TIAM1: variants seen among roughly 807,000 people sequenced by gnomAD.
TIAM1 encodes the protein TIAM Rac1 associated GEF 1.
TIAM1 carries 65 observed loss-of-function variants against 163.5 expected under a neutral mutation model. That is an observed-to-expected ratio of 0.40 (90% CI 0.33 to 0.49). TIAM1 has a LOEUF of 0.49. TIAM1 is among the 20% of genes least tolerant of loss of function. The pLI, the probability that TIAM1 is intolerant of heterozygous loss-of-function variation, is 0.77. For synonymous variants in TIAM1, 833 were observed against 810.1 expected, an observed-to-expected ratio of 1.03 and a Z score of -0.48; for missense variants, 1,789 against 2,044.7, an observed-to-expected ratio of 0.87 and a Z score of 2.41.
rs544190006 is a variant in TIAM1 at position 31,204,827 on chromosome 21, T to C, written c.2389-1815A>G. ...TGGAAATGAGTTCACTCTGAACACA[T>C]AGCAGAAGGATAAAGTTTTCTATCA... On this transcript the variant is annotated intron_variant, in intron 11 of 27. Transcript: ENST00000541036. Among the ~76,000 whole-genome samples the C allele has an allele frequency of 7.9e-5, 12 of 152,332 alleles. No individual in the cohort carries two copies. The South Asian group carries it at 1.2e-3, about 16-fold the overall frequency.
intron 10 of TIAM1, among the ~76,000 whole-genome samples, chr21:31,210,618 A>G (rs1381020552): frequency 5.1e-4 from 6 of 11,724 alleles, no homozygotes; most frequent in African/African-American, 2.2e-3. Context: ...AGGAAGGGAG[A>G]AAGAAAGAAA....
At chr21:31,485,260 A>G (rs904593391) in intron 1 of TIAM1, among the ~76,000 whole-genome samples, 1 of 152,138 alleles carries the variant, frequency 6.6e-6, no homozygotes, top group African/African-American at 2.4e-5. Flanking sequence ...CCTCGCACAC[A>G]TTCCAACTGG....
upstream of TIAM1, among the ~76,000 whole-genome samples, chr21:31,346,516 G>A (rs1374458636): frequency 6.6e-6 from 1 of 152,196 alleles, no homozygotes; most frequent in African/African-American, 2.4e-5. Context: ...GGGGATGGGA[G>A]AAGGATGATG....
intron 27 of TIAM1, among the ~76,000 whole-genome samples, chr21:31,121,102 G>C (rs1204999385): frequency 6.6e-6 from 1 of 152,110 alleles, no homozygotes; most frequent in Non-Finnish European, 1.5e-5. Flanking sequence ...GTAGGTTATG[G>C]GCAAAGGGGC....
intron 1 of TIAM1, among the ~76,000 whole-genome samples, chr21:31,464,984 TGGGG>T (rs1433358784): frequency 6.6e-6 from 1 of 151,788 alleles, no homozygotes; most frequent in Non-Finnish European, 1.5e-5. Flanking sequence ...CACTCCAGCT[TGGGG>T]GACAGAGTGA....
intron 2 of TIAM1, among the ~76,000 whole-genome samples, chr21:31,456,677 T>G (rs1265610189): frequency 6.6e-6 from 1 of 152,196 alleles, no homozygotes; most frequent in Non-Finnish European, 1.5e-5. Flanking sequence ...ACGATATAGC[T>G]TCAACTATTC....
chr21:31,306,235 G>A (rs1300150220), intron 2 of TIAM1, among the ~76,000 whole-genome samples: 1 of 151,946 alleles, frequency 6.6e-6, no homozygotes, highest in Non-Finnish European at 1.5e-5. Context: ...GGTGAGTTCT[G>A]ATTGCACCAC....
At chr21:31,164,864 G>A (rs2084128897) in intron 16 of TIAM1, 98 bp downstream of exon 16, 3 of 1,219,342 alleles carry the variant, frequency 2.5e-6, no homozygotes, top group South Asian at 1.3e-5. Flanking sequence ...TTCGTCCATG[G>A]AGAGGCCTGG....
intron 4 of TIAM1, among the ~76,000 whole-genome samples, chr21:31,262,158 C>A (rs1419848903): frequency 6.6e-6 from 1 of 152,196 alleles, no homozygotes; most frequent in East Asian, 1.9e-4. Flanking sequence ...ATTTATTAAG[C>A]ATTTGTATGT....
intron 2 of TIAM1, among the ~76,000 whole-genome samples, chr21:31,410,304 GAGAC>G (rs1263665230): frequency 2.6e-5 from 4 of 151,788 alleles, no homozygotes; most frequent in African/African-American, 9.7e-5. Context: ...TGTGTGTAAT[GAGAC>G]AGTGTGTGTG....
intron 15 of TIAM1, among the ~76,000 whole-genome samples, chr21:31,172,278 T>C (rs2146395102): frequency 6.6e-6 from 1 of 152,050 alleles, no homozygotes; most frequent in Non-Finnish European, 1.5e-5. Flanking sequence ...TTAAGAAGTG[T>C]AGACAACAAC....
At chr21:31,353,813 TTTTA>T (rs1324044375) in intron 2 of TIAM1, among the ~76,000 whole-genome samples, 2 of 144,436 alleles carry the variant, frequency 1.4e-5, no homozygotes, top group East Asian at 2.1e-4. Flanking sequence ...ATTTATTTGT[TTTTA>T]TTTATTTATT....
At chr21:31,479,398 T>C (rs868582861) in intron 1 of TIAM1, among the ~76,000 whole-genome samples, 32 of 140,012 alleles carry the variant, frequency 2.3e-4, no homozygotes, top group African/African-American at 6.4e-4. Flanking sequence ...GATGGATGGA[T>C]GGACGGAGGG....
intron 2 of TIAM1, among the ~76,000 whole-genome samples, chr21:31,337,261 C>T (rs1394535750): frequency 6.6e-6 from 1 of 151,998 alleles, no homozygotes; most frequent in East Asian, 1.9e-4. Flanking sequence ...AGACCTCAGC[C>T]TTGGCCTGGA....
At chr21:31,458,004 A>G (rs984977926) in intron 2 of TIAM1, among the ~76,000 whole-genome samples, 4 of 152,188 alleles carry the variant, frequency 2.6e-5, no homozygotes, top group African/African-American at 9.7e-5. Flanking sequence ...TCCCCTTGTT[A>G]CCCAACTAAA....
chr21:31,252,995 A>G (rs1482579742), intron 4 of TIAM1, among the ~76,000 whole-genome samples: 2 of 152,246 alleles, frequency 1.3e-5, no homozygotes, highest in African/African-American at 4.8e-5. Flanking sequence ...TGAGGGTATC[A>G]GTTCCCAGTT....
At chr21:31,509,524 A>T (rs1401289075) in intron 1 of TIAM1, among the ~76,000 whole-genome samples, 2 of 151,924 alleles carry the variant, frequency 1.3e-5, no homozygotes, top group Non-Finnish European at 2.9e-5. Flanking sequence ...CAACACAAAC[A>T]CCCACACCCA....
intron 2 of TIAM1, among the ~76,000 whole-genome samples, chr21:31,319,079 T>C (rs1193989398): frequency 2.0e-5 from 3 of 152,178 alleles, no homozygotes; most frequent in African/African-American, 4.8e-5. Flanking sequence ...CACATCACAA[T>C]TGGGCCTCAG....
chr21:31,301,482 T>A (rs1004431866), intron 2 of TIAM1, among the ~76,000 whole-genome samples: 1 of 152,128 alleles, frequency 6.6e-6, no homozygotes, highest in Non-Finnish European at 1.5e-5. Context: ...ATAGAATAAA[T>A]AGGTAGTTAT....
Sources: allele counts gnomAD v4.1 joint callset (sites outside exome capture counted in the v4.1 genomes callset), GRCh38; gene constraint gnomAD v4.1.1; transcripts MANE v1.5; gene names NCBI Gene and HGNC (gene_info 2026-07-23, HGNC 2026-07-21).